The following MECOM variants were observed in gnomAD, a reference collection of about 807,000 sequenced individuals.
MECOM encodes MDS1 and EVI1 complex locus.
Under a neutral mutation model 116.3 loss-of-function variants are expected in MECOM, and 13 were observed. That is an observed-to-expected ratio of 0.11 (90% confidence interval 0.07 to 0.18). MECOM has a LOEUF of 0.18. Ranked by LOEUF, MECOM falls within the 10% of genes least tolerant of loss-of-function variation. The pLI is 1.00. For synonymous variants in MECOM, 528 were observed against 535.2 expected, an observed-to-expected ratio of 0.99 and a Z score of 0.19; for missense variants, 1,299 against 1,509.0, an observed-to-expected ratio of 0.86 and a Z score of 2.31.
chr3:169,632,654 G>A (rs1772234025), intron 1 of MECOM, among the ~76,000 whole-genome samples: 1 of 152,156 alleles, frequency 6.6e-6, no homozygotes. Flanking sequence ...ATTGGCCAGA[G>A]TCACTTCTCT....
At chr3:169,244,756 C>G (rs565247855) in intron 2 of MECOM, among the ~76,000 whole-genome samples, 3 of 152,132 alleles carry the variant, frequency 2.0e-5, no homozygotes, top group Admixed American at 6.6e-5. Flanking sequence ...CAAGTTTGGT[C>G]GGCTTCAATT....
chr3:169,278,865 G>A (rs765367979), intron 2 of MECOM, among the ~76,000 whole-genome samples: 2 of 152,122 alleles, frequency 1.3e-5, no homozygotes, highest in Non-Finnish European at 2.9e-5. Context: ...TCATATATTG[G>A]GAACTGTCCA....
intron 1 of MECOM, among the ~76,000 whole-genome samples, chr3:169,480,396 C>T (rs1219876984): frequency 2.6e-5 from 4 of 151,968 alleles, no homozygotes; most frequent in Admixed American, 6.6e-5. Flanking sequence ...ACAGGTGGCT[C>T]GCTGGCCCTA....
chr3:169,288,214 GA>G (rs1231395011), intron 2 of MECOM, among the ~76,000 whole-genome samples: 1 of 145,284 alleles, frequency 6.9e-6, no homozygotes, highest in Non-Finnish European at 1.5e-5. Context: ...AAAGAGGAAA[GA>G]GGCAAGTTTT....
At chr3:169,430,093 T>C (rs1647440917) in intron 1 of MECOM, among the ~76,000 whole-genome samples, 1 of 152,208 alleles carries the variant, frequency 6.6e-6, no homozygotes, top group African/African-American at 2.4e-5. Flanking sequence ...GATTCTACTT[T>C]GAACAGTAAG....
At chr3:169,643,205 T>C (rs1773721692) in intron 1 of MECOM, among the ~76,000 whole-genome samples, 1 of 152,240 alleles carries the variant, frequency 6.6e-6, no homozygotes, top group Non-Finnish European at 1.5e-5. Context: ...GGGAGCCTAA[T>C]AATTCAACTC....
intron 7 of MECOM, among the ~76,000 whole-genome samples, chr3:169,118,780 T>G (rs1730013112): frequency 6.6e-6 from 1 of 152,050 alleles, no homozygotes; most frequent in African/African-American, 2.4e-5. Flanking sequence ...TCAGCTGACT[T>G]TTCTGGTGGC....
At chr3:169,247,761 A>G (rs1172026408) in intron 2 of MECOM, among the ~76,000 whole-genome samples, 1 of 152,256 alleles carries the variant, frequency 6.6e-6, no homozygotes, top group East Asian at 1.9e-4. Context: ...CTAAAATGTG[A>G]TGGATATGCT....
At chr3:169,597,922 T>C (rs1310949854) in intron 1 of MECOM, among the ~76,000 whole-genome samples, 1 of 152,238 alleles carries the variant, frequency 6.6e-6, no homozygotes, top group Non-Finnish European at 1.5e-5. Flanking sequence ...GTCCACTGTT[T>C]ATTCAAATTC....
chr3:169,092,428 T>A (rs1262325193), intron 14 of MECOM, among the ~76,000 whole-genome samples: 1 of 151,902 alleles, frequency 6.6e-6, no homozygotes, highest in Non-Finnish European at 1.5e-5. Flanking sequence ...ATATTACATA[T>A]ATACAGAATA....
intron 1 of MECOM, among the ~76,000 whole-genome samples, chr3:169,494,334 T>C (rs750716776): frequency 2.4e-4 from 36 of 152,074 alleles, no homozygotes; most frequent in Non-Finnish European, 4.7e-4. Flanking sequence ...GCCCAGTTCT[T>C]CCTCTCTGGC....
At chr3:169,511,525 G>T (rs766228695) in intron 1 of MECOM, among the ~76,000 whole-genome samples, 4 of 152,136 alleles carry the variant, frequency 2.6e-5, no homozygotes, top group Admixed American at 6.5e-5. Context: ...ACTTTGGGAG[G>T]CCGAGGTGGG....
At chr3:169,659,231 C>T (rs1336199687) in intron 1 of MECOM, among the ~76,000 whole-genome samples, 1 of 151,988 alleles carries the variant, frequency 6.6e-6, no homozygotes, top group Non-Finnish European at 1.5e-5. Flanking sequence ...GGGAGCTGGG[C>T]TAGCCGGCAA....
chr3:169,582,411 AAG>A lies in MECOM; in HGVS notation c.37+80923_37+80924del, dbSNP rs1765224707. ...ACAAAAGGACAGGAACAGGAGGAAA[AAG>A]AGGGAGATGGGGAAAAACGGGAAAA... On this transcript the variant is annotated intron_variant, in intron 1 of 16. Transcript: ENST00000651503. Among the ~76,000 whole-genome samples, 4 of 152,274 alleles carry A rather than the reference AAG, an allele frequency of 2.6e-5. No individual in the cohort carries two copies. In the South Asian group the frequency reaches 8.3e-4, roughly 32 times the overall value.
chr3:169,488,937 T>C (rs1162591566), intron 1 of MECOM, among the ~76,000 whole-genome samples: 2 of 151,474 alleles, frequency 1.3e-5, no homozygotes, highest in East Asian at 3.9e-4. Flanking sequence ...AAAACAAAAG[T>C]TTTTAAAAGA....
chr3:169,572,816 C>A (rs148794334), intron 1 of MECOM, among the ~76,000 whole-genome samples: 13 of 150,698 alleles, frequency 8.6e-5, no homozygotes, highest in African/African-American at 3.2e-4. Context: ...CATCACACAC[C>A]GGGGCCTGTT....
intron 2 of MECOM, among the ~76,000 whole-genome samples, chr3:169,269,518 G>A (rs1310329330): frequency 6.6e-6 from 1 of 152,206 alleles, no homozygotes; most frequent in Non-Finnish European, 1.5e-5. Flanking sequence ...CTCAGGGTAT[G>A]ACTCAAGAAT....
rs114217263 is a variant in MECOM at position 169,299,007 on chromosome 3, G to T, written c.375+82180C>A. Among the ~76,000 whole-genome samples the T allele has an allele frequency of 1.9e-3, 286 of 152,244 alleles. 2 individuals carry two copies. Among genetic ancestry groups the T allele is most frequent in the Non-Finnish European group, 2.0e-3 (137 of 68,008 alleles). ...AAGATTCTGGGAACTACTTATCTTG[G>T]AGAGATCTTTAATCTGAAATCACTG... On this transcript the variant is annotated intron_variant, in intron 2 of 16. Coordinates refer to ENST00000651503, the MANE Select transcript of MECOM (RefSeq NM_004991.4).
At position 169,127,377 on chromosome 3, in the gene MECOM, T is replaced by C. The variant is rs957398140; in HGVS notation, c.830+467A>G. Among the ~76,000 whole-genome samples the C allele has an allele frequency of 6.6e-5, 10 of 152,268 alleles. 1 individual carries two copies. The highest frequency in any genetic ancestry group is 2.6e-4 in the Admixed American group (4 of 15,300). On this transcript the variant is annotated intron_variant, in intron 5 of 16. Transcript: ENST00000651503. Reference sequence around the variant, plus strand: ...TGCTTCTCTTATTCTTTTATATATATGTAATTTAGATCAATTGTTGAAATT... The same window carrying C: ...TGCTTCTCTTATTCTTTTATATATACGTAATTTAGATCAATTGTTGAAATT...
Sources: allele counts gnomAD v4.1 joint callset (sites outside exome capture counted in the v4.1 genomes callset), GRCh38; gene constraint gnomAD v4.1.1; transcripts MANE v1.5; gene names NCBI Gene and HGNC (gene_info 2026-07-23, HGNC 2026-07-21).